RNF217: variants seen among roughly 807,000 people sequenced by gnomAD.
RNF217 encodes E3 ubiquitin-protein ligase RNF217.
RNF217 carries 31 observed loss-of-function variants against 57.8 expected under a neutral mutation model. The ratio of observed to expected loss-of-function variants is 0.54; its 90% CI spans 0.40 to 0.72. RNF217 has a LOEUF of 0.72. Ranked by LOEUF, RNF217 falls within the 30% of genes least tolerant of loss-of-function variation. The probability of loss-of-function intolerance (pLI) is 0.00; values close to 1 mark genes in which losing one functional copy is unlikely to be tolerated. For missense variants in RNF217, 696 were observed against 708.3 expected, an observed-to-expected ratio of 0.98 and a Z score of 0.20; for synonymous variants, 313 against 294.0, an observed-to-expected ratio of 1.06 and a Z score of -0.66.
chr6:125,045,190 A>G, intron 1 of RNF217, 21 bp from the exon 2 acceptor site: 1 of 1,533,226 alleles, frequency 6.5e-7, no homozygotes, highest in Non-Finnish European at 8.9e-7. Context: ...TTTTCCTTCC[A>G]TCTGCTCTTC....
chr6:125,044,399 C>G (rs1787011859), intron 1 of RNF217, among the ~76,000 whole-genome samples: 1 of 152,052 alleles, frequency 6.6e-6, no homozygotes, highest in African/African-American at 2.4e-5. Flanking sequence ...TGTGTCCACA[C>G]TTTGTGCTTT....
chr6:125,082,396 T>G (rs1262256668), intron 5 of RNF217: 1 of 1,491,422 alleles, frequency 6.7e-7, no homozygotes, highest in African/African-American at 1.4e-5. Context: ...TTTAAGTTCT[T>G]GCAATGTGAG....
intron 1 of RNF217, among the ~76,000 whole-genome samples, chr6:124,995,037 A>G (rs1196279294): frequency 6.6e-6 from 1 of 152,252 alleles, no homozygotes; most frequent in African/African-American, 2.4e-5. Flanking sequence ...AGTTCTATTA[A>G]GAAAAATTAA....
chr6:125,050,567 C>T (rs926569403), intron 2 of RNF217, among the ~76,000 whole-genome samples: 2 of 151,930 alleles, frequency 1.3e-5, no homozygotes, highest in African/African-American at 4.8e-5. Context: ...AGAATACAGT[C>T]AAATCAATCG....
chr6:125,043,438 C>A (rs1786964658), intron 1 of RNF217, among the ~76,000 whole-genome samples: 1 of 152,046 alleles, frequency 6.6e-6, no homozygotes, highest in African/African-American at 2.4e-5. Flanking sequence ...CCTGTACTCA[C>A]CATTTTGCAT....
intron 1 of RNF217, among the ~76,000 whole-genome samples, chr6:125,027,063 G>A (rs1405795673): frequency 6.6e-6 from 1 of 151,810 alleles, no homozygotes; most frequent in Middle Eastern, 3.4e-3. Flanking sequence ...TGGAATATAT[G>A]AGCTGTTTTG....
intron 1 of RNF217, among the ~76,000 whole-genome samples, chr6:124,991,607 A>G (rs765500906): frequency 6.6e-6 from 1 of 152,162 alleles, no homozygotes; most frequent in Non-Finnish European, 1.5e-5. Context: ...TTGTTGATTC[A>G]TGAGGCCTGA....
Position 124,963,195 on chromosome 6 carries a change from C to A in RNF217, c.651C>A (p.Ser217=). The change falls in exon 1 of 6, where the codon TCC becomes TCA. Residue 217 remains serine (S), a synonymous_variant. Transcript: ENST00000521654. ...PRLSLPTDSL[S]PDGGSIELEF... ...TGTCCCTCCCAACGGATTCCCTCTC[C>A]CCCGACGGCGGCAGCATCGAGCTGG... 6.5e-7 allele frequency: 1 copy of A among 1,536,102 alleles called. No homozygotes were observed. The highest frequency in any genetic ancestry group is 8.7e-7 in the Non-Finnish European group (1 of 1,146,912).
chr6:124,994,920 G>A (rs537845315), intron 1 of RNF217, among the ~76,000 whole-genome samples: 15 of 152,264 alleles, frequency 9.9e-5, no homozygotes, highest in Non-Finnish European at 1.8e-4. Context: ...GGTATACTAC[G>A]AGAATTTTTT....
At chr6:125,072,540 T>C (rs1028866368) in intron 3 of RNF217, among the ~76,000 whole-genome samples, 1 of 152,214 alleles carries the variant, frequency 6.6e-6, no homozygotes, top group Non-Finnish European at 1.5e-5. Flanking sequence ...TGCAAACTTA[T>C]TTAAATGAAA....
At chr6:125,081,400 A>G in intron 4 of RNF217, 36 bp from the exon 5 acceptor site, 1 of 1,530,222 alleles carries the variant, frequency 6.5e-7, no homozygotes, top group Non-Finnish European at 9.0e-7. Flanking sequence ...GGTTAGTTTT[A>G]AGACTCCTTA....
chr6:124,979,224 T>C (rs1784072741), intron 1 of RNF217, among the ~76,000 whole-genome samples: 1 of 152,186 alleles, frequency 6.6e-6, no homozygotes, highest in Admixed American at 6.5e-5. Flanking sequence ...TGTGTGATGC[T>C]GATTGTTGAC....
intron 3 of RNF217, among the ~76,000 whole-genome samples, chr6:125,075,438 A>G (rs1328245903): frequency 6.6e-6 from 1 of 152,120 alleles, no homozygotes; most frequent in Non-Finnish European, 1.5e-5. Context: ...GAAACTTACA[A>G]TCATGGCAGA....
At chr6:124,980,305 G>A (rs2115012404) in intron 1 of RNF217, among the ~76,000 whole-genome samples, 1 of 152,144 alleles carries the variant, frequency 6.6e-6, no homozygotes, top group South Asian at 2.1e-4. Flanking sequence ...CTTTTTTTCA[G>A]TCTTTCGTTA....
chr6:125,020,202 A>T (rs2114407673), intron 1 of RNF217, among the ~76,000 whole-genome samples: 1 of 152,320 alleles, frequency 6.6e-6, no homozygotes, highest in Admixed American at 6.5e-5. Flanking sequence ...GGTCTTGATT[A>T]TTCTATTTTA....
intron 2 of RNF217, among the ~76,000 whole-genome samples, chr6:125,053,061 G>T (rs1002514258): frequency 1.3e-5 from 2 of 152,014 alleles, no homozygotes; most frequent in Non-Finnish European, 2.9e-5. Context: ...CTGTGTGGTG[G>T]CTCAGGATGG....
Position 124,967,968 on chromosome 6 carries a change from C to T in RNF217, c.882+4542C>T, listed in dbSNP as rs529377718. On this transcript the variant is annotated intron_variant, in intron 1 of 5. Coordinates refer to ENST00000521654, the MANE Select transcript of RNF217 (RefSeq NM_001286398.3). ...TAATTTTTTGTATTTTTAGTAGAGACGGGGTTTCACCATGTTGGCCAGGCT... is the reference window on the plus strand; with the variant it reads ...TAATTTTTTGTATTTTTAGTAGAGATGGGGTTTCACCATGTTGGCCAGGCT... 1.6e-4 allele frequency among the ~76,000 whole-genome samples: 25 copies of T among 152,044 alleles called. No homozygotes were observed. In the East Asian group the frequency reaches 4.3e-3, roughly 26 times the overall value.
At chr6:124,996,646 C>G (rs139765938) in intron 1 of RNF217, 1 of 152,250 alleles carries the variant, frequency 6.6e-6, no homozygotes, top group African/African-American at 2.4e-5. Flanking sequence ...TAACCTGAAG[C>G]ATATACAGTG....
chr6:125,062,820 C>T (rs1198777987), intron 3 of RNF217, among the ~76,000 whole-genome samples: 2 of 152,194 alleles, frequency 1.3e-5, no homozygotes, highest in Non-Finnish European at 2.9e-5. Flanking sequence ...AGGTGATCCG[C>T]CCACCTCAGC....
Sources: gnomAD v4.1 joint callset for allele counts (sites outside exome capture counted in the v4.1 genomes callset) on GRCh38, gnomAD v4.1.1 for gene constraint, MANE v1.5 for transcripts, NCBI Gene and HGNC (gene_info 2026-07-23, HGNC 2026-07-21) for gene names.